Variants in TANC1 observed in about 807,000 individuals in gnomAD.
TANC1 encodes the protein tetratricopeptide repeat, ankyrin repeat and coiled-coil containing 1, also known as protein TANC1.
TANC1 carries 77 observed loss-of-function variants against 149.7 expected under a neutral mutation model. The observed-to-expected ratio is 0.51, with a 90% CI of 0.43 to 0.62. The LOEUF (loss-of-function observed/expected upper bound fraction) is 0.62. Ranked by LOEUF, TANC1 falls within the 20% of genes least tolerant of loss-of-function variation. TANC1 has a pLI of 0.00. For synonymous variants in TANC1, 854 were observed against 925.0 expected, an observed-to-expected ratio of 0.92 and a Z score of 1.39; for missense variants, 1,985 against 2,321.8, an observed-to-expected ratio of 0.85 and a Z score of 2.98.
intron 2 of TANC1, among the ~76,000 whole-genome samples, chr2:159,051,460 A>G (rs1210243966): frequency 6.6e-6 from 1 of 152,220 alleles, no homozygotes; most frequent in Non-Finnish European, 1.5e-5. Context: ...AGAGTTACTA[A>G]GAGCTTTAAT....
intron 3 of TANC1, among the ~76,000 whole-genome samples, chr2:159,067,640 T>C (rs2042785351): frequency 6.6e-6 from 1 of 152,202 alleles, no homozygotes; most frequent in African/African-American, 2.4e-5. Context: ...GGAACTTTAT[T>C]TGCTTCTTTA....
Position 158,993,051 on chromosome 2 carries a change from A to G in TANC1, c.-125-8029A>G, listed in dbSNP as rs74700661. 2.4e-3 allele frequency among the ~76,000 whole-genome samples: 363 copies of G among 152,208 alleles called. 2 individuals are homozygous for G. The highest frequency in any genetic ancestry group is 8.2e-3 in the African/African-American group (339 of 41,530). On this transcript the variant is annotated intron_variant, in intron 1 of 26. Coordinates refer to ENST00000263635, the MANE Select transcript of TANC1 (RefSeq NM_033394.3). ...TCATTAGAATCAGGGCAGAGAGAAAATATTTAGCAAGTATGTCTGAAGGAA... is the reference window on the plus strand; with the variant it reads ...TCATTAGAATCAGGGCAGAGAGAAAGTATTTAGCAAGTATGTCTGAAGGAA...
chr2:159,017,755 C>T (rs536001018), intron 2 of TANC1, among the ~76,000 whole-genome samples: 5 of 151,790 alleles, frequency 3.3e-5, no homozygotes, highest in Non-Finnish European at 7.4e-5. Context: ...ATACCTAATG[C>T]ACGCGGGACT....
chr2:158,983,391 C>T (rs2034606474), intron 1 of TANC1, among the ~76,000 whole-genome samples: 2 of 144,840 alleles, frequency 1.4e-5, no homozygotes, highest in Admixed American at 1.5e-4. Context: ...AGCGTGAACC[C>T]GGGAGGCGGA....
intron 3 of TANC1, among the ~76,000 whole-genome samples, chr2:159,079,569 A>G (rs894115388): frequency 6.6e-6 from 1 of 152,190 alleles, no homozygotes; most frequent in Non-Finnish European, 1.5e-5. Context: ...CTGCATCTAT[A>G]CAATGGGGAT....
At chr2:159,033,105 G>A (rs1275688194) in intron 2 of TANC1, among the ~76,000 whole-genome samples, 2 of 152,188 alleles carry the variant, frequency 1.3e-5, no homozygotes, top group East Asian at 1.9e-4. Flanking sequence ...TCAGTGGGAT[G>A]TCATGGAGCC....
intron 24 of TANC1, 69 bp from the exon 25 acceptor site, chr2:159,227,749 TC>T: frequency 6.4e-7 from 1 of 1,555,662 alleles, no homozygotes; most frequent in Non-Finnish European, 8.8e-7. Flanking sequence ...CCCACGGTGT[TC>T]CAGGTGTGGG....
chr2:158,992,990 T>G (rs2035815453), intron 1 of TANC1, among the ~76,000 whole-genome samples: 1 of 152,192 alleles, frequency 6.6e-6, no homozygotes, highest in Non-Finnish European at 1.5e-5. Flanking sequence ...CATGCTCATC[T>G]CTTCCTAGAC....
chr2:159,116,840 C>A (rs2048317536), intron 4 of TANC1, among the ~76,000 whole-genome samples: 2 of 152,278 alleles, frequency 1.3e-5, no homozygotes, highest in East Asian at 3.9e-4. Flanking sequence ...AGGTATGAAC[C>A]CCACTTACAG....
intron 8 of TANC1, among the ~76,000 whole-genome samples, chr2:159,168,402 C>T (rs1242262060): frequency 2.7e-5 from 4 of 149,540 alleles, no homozygotes; most frequent in African/African-American, 7.4e-5. Context: ...CAGGTTTAAG[C>T]GATTCTCCTG....
intron 1 of TANC1, among the ~76,000 whole-genome samples, chr2:158,992,669 A>ATTTTTTTTTTTTTTTTTTT (rs70994251): frequency 5.3e-5 from 6 of 112,480 alleles, no homozygotes; most frequent in Non-Finnish European, 7.1e-5. Context: ...TGCCCAGCTA[A>ATTTTTTTTTTTTTTTTTTT]TTTTTTTTTT....
intron 14 of TANC1, 72 bp downstream of exon 14, chr2:159,179,235 A>G (rs1219850359): frequency 6.6e-7 from 1 of 1,524,492 alleles, no homozygotes; most frequent in Non-Finnish European, 8.8e-7. Context: ...TTTAAATGTG[A>G]TGCACGTGTC....
intron 5 of TANC1, among the ~76,000 whole-genome samples, chr2:159,142,638 G>A (rs2051500545): frequency 6.6e-6 from 1 of 152,092 alleles, no homozygotes; most frequent in African/African-American, 2.4e-5. Context: ...ATTGCAAGCT[G>A]AACTCGCTAC....
At chr2:159,205,144 G>A (rs1036011775) in intron 19 of TANC1, among the ~76,000 whole-genome samples, 1 of 152,184 alleles carries the variant, frequency 6.6e-6, no homozygotes, top group Non-Finnish European at 1.5e-5. Context: ...GATGATTTTC[G>A]TTTCCCTCTT....
At chr2:159,220,982 CA>C (rs1263120998) in intron 22 of TANC1, among the ~76,000 whole-genome samples, 1 of 152,198 alleles carries the variant, frequency 6.6e-6, no homozygotes, top group East Asian at 1.9e-4. Flanking sequence ...CAGGCTAATT[CA>C]TGTATCCATC....
intron 2 of TANC1, among the ~76,000 whole-genome samples, chr2:159,004,511 T>C (rs957249277): frequency 6.6e-6 from 1 of 152,008 alleles, no homozygotes; most frequent in African/African-American, 2.4e-5. Context: ...CTCCCAGGAT[T>C]TTTTTTTGGT....
chr2:158,993,485 C>T (rs1266472241), intron 1 of TANC1, among the ~76,000 whole-genome samples: 3 of 152,082 alleles, frequency 2.0e-5, no homozygotes, highest in Non-Finnish European at 4.4e-5. Context: ...CTTGTGTGCT[C>T]AAGTGATCTG....
At chr2:158,979,385 G>C (rs531575659) in intron 1 of TANC1, among the ~76,000 whole-genome samples, 1 of 151,788 alleles carries the variant, frequency 6.6e-6, no homozygotes, top group Non-Finnish European at 1.5e-5. Context: ...TCTCAGCTAC[G>C]TGGGAGACTG....
In TANC1 at chr2:159,197,369, G is replaced by A. The variant is rs2057931886; in HGVS notation, c.3165+576G>A. Reference sequence around the variant, plus strand: ...TGTCACCTCCTGACCTGTGTGTCTTGGCTTTCTTTATCTGTGAATTTAATA... The same window carrying A: ...TGTCACCTCCTGACCTGTGTGTCTTAGCTTTCTTTATCTGTGAATTTAATA... On this transcript the variant is annotated intron_variant, in intron 18 of 26. Transcript: ENST00000263635. Among the ~76,000 whole-genome samples, 2 of 152,158 alleles carry A rather than the reference G, an allele frequency of 1.3e-5. 1 individual carries two copies. The highest frequency in any genetic ancestry group is 2.9e-5 in the Non-Finnish European group (2 of 68,024).
Sources: allele counts gnomAD v4.1 joint callset (sites outside exome capture counted in the v4.1 genomes callset), GRCh38; gene constraint gnomAD v4.1.1; transcripts MANE v1.5; gene names NCBI Gene and HGNC (gene_info 2026-07-23, HGNC 2026-07-21).